Variants in BPIFC observed in about 807,000 individuals in gnomAD.
BPIFC encodes the protein BPI fold containing family C, also known as BPI fold-containing family C protein.
In BPIFC, 60 loss-of-function variants were observed where a neutral mutation model predicts 57.6. The observed-to-expected ratio is 1.04, with a 90% CI of 0.85 to 1.29. BPIFC has a LOEUF of 1.29. Among genes scored for constraint, BPIFC ranks in the 50% most tolerant of loss-of-function variants. The probability of loss-of-function intolerance (pLI) is 0.00; values close to 1 mark genes in which losing one functional copy is unlikely to be tolerated. For synonymous variants in BPIFC, 243 were observed against 224.5 expected (o/e 1.08, Z -0.74); for missense variants, 581 against 600.5 (o/e 0.97, Z 0.34).
At chr22:32,433,578 A>G (rs1934305788) in intron 11 of BPIFC, 141 bp downstream of exon 11, 1 of 686,838 alleles carries the variant, frequency 1.5e-6, no homozygotes, top group Non-Finnish European at 2.6e-6. Flanking sequence ...AAATATTTGT[A>G]GATATTCGAT....
intron 7 of BPIFC, among the ~76,000 whole-genome samples, chr22:32,443,440 G>A (rs60305871): frequency 0.012 from 1,782 of 152,316 alleles, 48 homozygotes; most frequent in African/African-American, 0.041. Flanking sequence ...TGGGATTACA[G>A]GCGTGAGCCA....
chr22:32,445,079 C>T lies in BPIFC; in HGVS notation c.594+556G>A, dbSNP rs145585268. Reference sequence around the variant, plus strand: ...AAGAAATTTGAGAGATGTGCTGTTGCTTTCTTTATCTCTGCATCCCAAGCA... The same window carrying T: ...AAGAAATTTGAGAGATGTGCTGTTGTTTTCTTTATCTCTGCATCCCAAGCA... On this transcript the variant is annotated intron_variant, in intron 7 of 16. Coordinates refer to ENST00000300399, the MANE Select transcript of BPIFC (RefSeq NM_174932.3). Among the ~76,000 whole-genome samples the T allele has an allele frequency of 5.2e-3, 794 of 152,294 alleles. 4 individuals carry two copies. The highest frequency in any genetic ancestry group is 0.017 in the South Asian group (84 of 4,822).
intron 8 of BPIFC, among the ~76,000 whole-genome samples, chr22:32,442,356 G>C (rs898720668): frequency 2.6e-5 from 4 of 152,182 alleles, no homozygotes; most frequent in African/African-American, 9.7e-5. Context: ...GTCAAGATCA[G>C]TGTTAATCCC....
Position 32,432,608 on chromosome 22 carries a change from G to C in BPIFC, c.979-65C>G, listed in dbSNP as rs1934281972. ...TGAGTTGGTGAAGGGAGATCACAAG[G>C]TTAGGATGGCCTGTGGTGACTAAAT... On this transcript the variant is annotated intron_variant, in intron 11 of 16. Transcript: ENST00000300399. The C allele has an allele frequency of 4.0e-6, 6 of 1,508,452 alleles. No individual in the cohort carries two copies. The Admixed American group carries it at 5.1e-5, about 13-fold the overall frequency. The allele number at this position is 1,508,452 out of a possible 1,614,324, so 93.4% of individuals were successfully genotyped here. A position where few individuals can be genotyped will look rare whatever the true frequency, so the allele number is the denominator to read the frequency against.
At position 32,437,836 on chromosome 22, in the gene BPIFC, T is replaced by C. The variant is rs1002137133; in HGVS notation, c.671A>G (p.Asp224Gly). The C allele has an allele frequency of 1.2e-6, 2 of 1,609,792 alleles. No homozygotes were observed. ...GGAGTAATCCAGCAGAGTGTAGTTG[T>C]CAATCTTGGTTAAAACTAAATAACC... ...LSTLEVLTKIDNYTLLDYSLI... is the reference protein window; with the variant it reads ...LSTLEVLTKIGNYTLLDYSLI... Residue 224 changes from aspartate (D) to glycine (G), a missense_variant, in exon 9 of 17, where the codon GAC becomes GGC. Asp to Gly is a moderately conservative substitution (Grantham distance 94, BLOSUM62 -1). Coordinates refer to ENST00000300399, the MANE Select transcript of BPIFC (RefSeq NM_174932.3).
intron 8 of BPIFC, among the ~76,000 whole-genome samples, chr22:32,438,348 A>G (rs983263657): frequency 4.6e-5 from 7 of 152,246 alleles, no homozygotes; most frequent in African/African-American, 1.4e-4. Flanking sequence ...CTTTTTAGGT[A>G]TACACACATA....
chr22:32,451,470 A>T (rs1177220650), intron 4 of BPIFC, among the ~76,000 whole-genome samples: 1 of 152,114 alleles, frequency 6.6e-6, no homozygotes, highest in Admixed American at 6.5e-5. Context: ...ACATGTTCTC[A>T]CTCATAGGTG....
At chr22:32,424,693 C>CTCCTCT (rs1933984509) in intron 13 of BPIFC, among the ~76,000 whole-genome samples, 1 of 29,314 alleles carries the variant, frequency 3.4e-5, no homozygotes, top group African/African-American at 2.2e-4. Flanking sequence ...CTTCTTCTTC[C>CTCCTCT]TCTTCTTCTT....
chr22:32,457,823 C>T (rs1206755370), intron 2 of BPIFC, among the ~76,000 whole-genome samples: 3 of 152,210 alleles, frequency 2.0e-5, no homozygotes, highest in African/African-American at 2.4e-5. Flanking sequence ...ACATTCTACT[C>T]TGGGATCCCA....
intron 14 of BPIFC, 42 bp from the exon 15 acceptor site, chr22:32,417,190 T>A (rs919119891): frequency 4.3e-3 from 31 of 7,266 alleles, no homozygotes; most frequent in Non-Finnish European, 6.3e-3. Flanking sequence ...CAGATCGGGC[T>A]TTTTTTTTTT....
Position 32,427,480 on chromosome 22 carries a change from G to C in BPIFC, c.1217+3867C>G, listed in dbSNP as rs528953419. On this transcript the variant is annotated intron_variant, in intron 13 of 16. Coordinates refer to ENST00000300399, the MANE Select transcript of BPIFC (RefSeq NM_174932.3). ...ACCTTCTGCCTCAGTTAGCAGCCCT[G>C]CCCCTGTGCCCCGCCCCGCATCACT... is the stretch of plus-strand genomic sequence containing the variant. 8.5e-5 allele frequency among the ~76,000 whole-genome samples: 13 copies of C among 152,180 alleles called. No individual in the cohort carries two copies. The South Asian group carries it at 2.5e-3, about 29-fold the overall frequency.
intron 13 of BPIFC, among the ~76,000 whole-genome samples, chr22:32,428,270 C>CGT (rs1556037738): frequency 9.6e-5 from 9 of 93,268 alleles, no homozygotes; most frequent in Non-Finnish European, 1.8e-4. Context: ...TGTGTGTGTG[C>CGT]GCGCGCGTGT....
intron 13 of BPIFC, among the ~76,000 whole-genome samples, chr22:32,427,050 C>T (rs540926823): frequency 3.9e-5 from 6 of 152,262 alleles, no homozygotes; most frequent in Non-Finnish European, 8.8e-5. Flanking sequence ...CGGAGAATTT[C>T]CAGGAGACTG....
intron 5 of BPIFC, among the ~76,000 whole-genome samples, chr22:32,446,407 T>C (rs1934731617): frequency 1.3e-5 from 2 of 152,190 alleles, no homozygotes; most frequent in African/African-American, 4.8e-5. Flanking sequence ...AGGGAGTGGA[T>C]TGTGTGTTAC....
In BPIFC at chr22:32,424,740, C is replaced by CTT. The variant is rs1217414415; in HGVS notation, c.1218-5337_1218-5336insAA. On this transcript the variant is annotated intron_variant, in intron 13 of 16. Transcript: ENST00000300399. ...TCCTCTTCTTCTTCCTCTTCTTCTTCCTCTTCTTCTTCCTCTTCTTCTTCT... is the reference window on the plus strand; with the variant it reads ...TCCTCTTCTTCTTCCTCTTCTTCTTCTTCTCTTCTTCTTCCTCTTCTTCTTCT... Among the ~76,000 whole-genome samples the CTT allele has an allele frequency of 2.5e-4, 19 of 74,988 alleles. 2 individuals carry two copies. Among genetic ancestry groups the CTT allele is most frequent in the African/African-American group, 1.2e-3 (16 of 13,758 alleles). The allele number at this position is 74,988 out of a possible 152,430, so 49.2% of individuals were successfully genotyped here. A position where few individuals can be genotyped will look rare whatever the true frequency, so the allele number is the denominator to read the frequency against.
At chr22:32,429,147 G>GT (rs1236838443) in intron 13 of BPIFC, among the ~76,000 whole-genome samples, 2 of 151,620 alleles carry the variant, frequency 1.3e-5, no homozygotes, top group African/African-American at 2.4e-5. Flanking sequence ...TTTGTATTCT[G>GT]TTTTTTCCAT....
Position 32,457,245 on chromosome 22 carries a change from T to G in BPIFC, c.124+18A>C. 1 of 1,586,488 alleles carries G rather than the reference T, an allele frequency of 6.3e-7. No individual in the cohort carries two copies. The highest frequency in any genetic ancestry group is 8.5e-7 in the Non-Finnish European group (1 of 1,172,886). On this transcript the variant is annotated intron_variant, in intron 3 of 16. Coordinates refer to ENST00000300399, the MANE Select transcript of BPIFC (RefSeq NM_174932.3). Reference sequence around the variant, plus strand: ...CCTAGTGGGCCTGAGGTCTGGCTTCTGAAAACATCCAACTCACCATAGTCA... The same window carrying G: ...CCTAGTGGGCCTGAGGTCTGGCTTCGGAAAACATCCAACTCACCATAGTCA...
chr22:32,452,562 C>T (rs968792735), intron 4 of BPIFC, among the ~76,000 whole-genome samples: 12 of 151,602 alleles, frequency 7.9e-5, no homozygotes, highest in Non-Finnish European at 1.0e-4. Flanking sequence ...TGGCATGAAC[C>T]TGGAGGCAGA....
chr22:32,460,790 T>C (rs1935144375), intron 2 of BPIFC, among the ~76,000 whole-genome samples: 1 of 152,236 alleles, frequency 6.6e-6, no homozygotes, highest in African/African-American at 2.4e-5. Context: ...ATGTTTCTTT[T>C]CTGGCTTATG....
Sources: allele counts gnomAD v4.1 joint callset (sites outside exome capture counted in the v4.1 genomes callset), GRCh38; gene constraint gnomAD v4.1.1; transcripts MANE v1.5; gene names NCBI Gene and HGNC (gene_info 2026-07-23, HGNC 2026-07-21).